The following MLLT10 variants were observed in gnomAD, a reference collection of about 807,000 sequenced individuals.
MLLT10 encodes protein AF-10.
In MLLT10, 30 loss-of-function variants were observed where a neutral mutation model predicts 129.1. That is an observed-to-expected ratio of 0.23 (90% CI 0.17 to 0.32). MLLT10 has a LOEUF of 0.32. Ranked by LOEUF, MLLT10 falls within the 10% of genes least tolerant of loss-of-function variation. The pLI, the probability that MLLT10 is intolerant of heterozygous loss-of-function variation, is 1.00. For synonymous variants in MLLT10, 490 were observed against 446.4 expected, an observed-to-expected ratio of 1.10 and a Z score of -1.23; for missense variants, 1,119 against 1,268.3, an observed-to-expected ratio of 0.88 and a Z score of 1.79.
chr10:21,715,618 T>G (rs1423267976), intron 14 of MLLT10, among the ~76,000 whole-genome samples: 1 of 152,242 alleles, frequency 6.6e-6, no homozygotes, highest in African/African-American at 2.4e-5. Context: ...TCTGTTTAAT[T>G]ACCCTCTGGT....
intron 8 of MLLT10, among the ~76,000 whole-genome samples, chr10:21,632,456 C>G (rs1044410226): frequency 6.6e-6 from 1 of 152,032 alleles, no homozygotes. Context: ...TATTTATCAC[C>G]TGTGGCAAAT....
chr10:21,633,972 TTAATC>T (rs145022745), intron 8 of MLLT10, among the ~76,000 whole-genome samples: 218 of 152,186 alleles, frequency 1.4e-3, no homozygotes, highest in Admixed American at 2.3e-3. Context: ...TTAGTCTCCT[TTAATC>T]TAAAATAGTC....
At chr10:21,540,008 A>C (rs1002373739) in intron 3 of MLLT10, among the ~76,000 whole-genome samples, 2 of 151,980 alleles carry the variant, frequency 1.3e-5, no homozygotes, top group African/African-American at 4.8e-5. Context: ...TAATCCCACC[A>C]CTTTGGGAAG....
intron 8 of MLLT10, among the ~76,000 whole-genome samples, chr10:21,626,841 G>A (rs908067760): frequency 1.3e-5 from 2 of 152,150 alleles, no homozygotes; most frequent in African/African-American, 4.8e-5. Context: ...GAACCTTTCA[G>A]CATCTGTATA....
intron 16 of MLLT10, among the ~76,000 whole-genome samples, chr10:21,730,169 T>C (rs1370612110): frequency 6.6e-6 from 1 of 151,966 alleles, no homozygotes; most frequent in South Asian, 2.1e-4. Flanking sequence ...GTGTGTGCTC[T>C]TGTGGTCCCA....
intron 3 of MLLT10, chr10:21,557,691 G>T (rs2038220031): frequency 6.6e-6 from 1 of 151,992 alleles, no homozygotes. Flanking sequence ...CCAGAAGAAG[G>T]GGCTCTCTAG....
At position 21,600,318 on chromosome 10, in the gene MLLT10, T is replaced by G. The variant is rs575166922; in HGVS notation, c.405+4878T>G. Among the ~76,000 whole-genome samples the G allele has an allele frequency of 2.0e-5, 3 of 152,084 alleles. No homozygotes were observed. The South Asian group carries it at 6.2e-4, about 32-fold the overall frequency. On this transcript the variant is annotated intron_variant, in intron 5 of 22. Transcript: ENST00000307729. ...CTGTATTAGAGTTACAGTGAAATAC[T>G]GTTTTAGGGATGAATATATTTTTAC...
At chr10:21,709,434 T>C (rs1275091010) in intron 13 of MLLT10, among the ~76,000 whole-genome samples, 3 of 152,186 alleles carry the variant, frequency 2.0e-5, no homozygotes, top group Non-Finnish European at 4.4e-5. Context: ...TTTCGCCATG[T>C]TGGCCAGGCT....
At chr10:21,632,740 G>A (rs948781959) in intron 8 of MLLT10, among the ~76,000 whole-genome samples, 4 of 152,022 alleles carry the variant, frequency 2.6e-5, no homozygotes, top group African/African-American at 9.7e-5. Flanking sequence ...TTTCAGAAAT[G>A]TAGCTATAAG....
chr10:21,557,095 C>G, intron 3 of MLLT10: 2 of 1,403,794 alleles, frequency 1.4e-6, no homozygotes, highest in Non-Finnish European at 9.2e-7. Context: ...CTCATGAATT[C>G]TGCTTTCCAT....
At position 21,670,568 on chromosome 10, in the gene MLLT10, A is replaced by G. The variant is rs751819873; in HGVS notation, c.915A>G (p.Lys305=). ...QEVSAHTSSG[K]DVSETRGSEG... Reference sequence around the variant, plus strand: ...TCTCTGCACACACCTCTAGTGGAAAAGATGTTTCAGAGACTAGAGGGTCAG... The same window carrying G: ...TCTCTGCACACACCTCTAGTGGAAAGGATGTTTCAGAGACTAGAGGGTCAG... Residue 305 remains lysine (K), a synonymous_variant, in exon 10 of 23, where the codon AAA becomes AAG. Transcript: ENST00000307729. The G allele has an allele frequency of 6.2e-7, 1 of 1,614,176 alleles. No homozygotes were observed. Among genetic ancestry groups the G allele is most frequent in the South Asian group, 1.1e-5 (1 of 91,082 alleles).
chr10:21,543,176 A>G (rs1237142363), intron 3 of MLLT10, among the ~76,000 whole-genome samples: 1 of 151,856 alleles, frequency 6.6e-6, no homozygotes, highest in Non-Finnish European at 1.5e-5. Context: ...GCTAGAGTGC[A>G]ATGGCACAAT....
At chr10:21,649,842 C>G (rs1273553967) in intron 8 of MLLT10, among the ~76,000 whole-genome samples, 2 of 152,136 alleles carry the variant, frequency 1.3e-5, no homozygotes, top group Non-Finnish European at 2.9e-5. Flanking sequence ...ATAAGGTTAA[C>G]CCAGGTTCAA....
chr10:21,706,505 A>G (rs1164637585), intron 13 of MLLT10, among the ~76,000 whole-genome samples: 1 of 152,252 alleles, frequency 6.6e-6, no homozygotes, highest in Non-Finnish European at 1.5e-5. Context: ...ATTAACCTCT[A>G]GGAAAGAATA....
intron 22 of MLLT10, among the ~76,000 whole-genome samples, chr10:21,741,338 C>G (rs1833580369): frequency 6.6e-6 from 1 of 152,034 alleles, no homozygotes; most frequent in Non-Finnish European, 1.5e-5. Context: ...CAAACTTTTC[C>G]TAGGTTATAC....
intron 21 of MLLT10, 90 bp downstream of exon 21, chr10:21,735,325 TAAC>T: frequency 7.9e-6 from 9 of 1,142,684 alleles, no homozygotes; most frequent in Non-Finnish European, 1.1e-5. Context: ...CTTTGTGAAA[TAAC>T]ATTATTGAAT....
At position 21,667,008 on chromosome 10, in the gene MLLT10, G is replaced by A. The variant is rs369397539; in HGVS notation, c.796-3441G>A. Among the ~76,000 whole-genome samples, 18 of 152,004 alleles carry A rather than the reference G, an allele frequency of 1.2e-4. No individual in the cohort carries two copies. The East Asian group carries it at 2.3e-3, about 20-fold the overall frequency. ...TTCTTTTAGCATTTATTGTAGTGTT[G>A]GTCTGCTAGTGATTAGTTCTTTCTG... On this transcript the variant is annotated intron_variant, in intron 9 of 22. Transcript: ENST00000307729.
intron 3 of MLLT10, among the ~76,000 whole-genome samples, chr10:21,556,214 C>T (rs528826114): frequency 9.9e-5 from 15 of 152,200 alleles, no homozygotes; most frequent in East Asian, 7.7e-4. Context: ...CCGCCCTCCT[C>T]GGCCTCCCAA....
chr10:21,687,129 A>G (rs1419594564), intron 13 of MLLT10, among the ~76,000 whole-genome samples: 1 of 152,186 alleles, frequency 6.6e-6, no homozygotes, highest in African/African-American at 2.4e-5. Context: ...AACTGCGCTC[A>G]CTAAACAAAT....
Sources: gnomAD v4.1 joint callset for allele counts (sites outside exome capture counted in the v4.1 genomes callset) on GRCh38, gnomAD v4.1.1 for gene constraint, MANE v1.5 for transcripts, NCBI Gene and HGNC (gene_info 2026-07-23, HGNC 2026-07-21) for gene names.